CNTN5: variants seen among roughly 807,000 people sequenced by gnomAD.
CNTN5 encodes contactin-5.
A neutral mutation model predicts 129.1 loss-of-function variants in CNTN5; 77 were observed. The observed-to-expected ratio is 0.60, with a 90% confidence interval of 0.50 to 0.72. CNTN5 has a LOEUF of 0.72. Ranked by LOEUF, CNTN5 falls within the 30% of genes least tolerant of loss-of-function variation. The pLI, the probability that CNTN5 is intolerant of heterozygous loss-of-function variation, is 0.00. For synonymous variants in CNTN5, 509 were observed against 465.6 expected, an observed-to-expected ratio of 1.09 and a Z score of -1.20; for missense variants, 1,478 against 1,328.8, an observed-to-expected ratio of 1.11 and a Z score of -1.75.
In CNTN5 at chr11:99,653,912, G is replaced by T. The variant is rs555943439; in HGVS notation, c.55+97643G>T. On this transcript the variant is annotated intron_variant, in intron 3 of 24. Coordinates refer to ENST00000524871, the MANE Select transcript of CNTN5 (RefSeq NM_014361.4). ...CAGCTTCTAAACTGTAAGTTAAAATGATATATCCCTCTTTGTCTAAATACT... is the reference window on the plus strand; with the variant it reads ...CAGCTTCTAAACTGTAAGTTAAAATTATATATCCCTCTTTGTCTAAATACT... Among the ~76,000 whole-genome samples, 18 of 151,854 alleles carry T rather than the reference G, an allele frequency of 1.2e-4. No homozygotes were observed. In the South Asian group the frequency reaches 3.7e-3, roughly 32 times the overall value.
chr11:99,542,343 TG>T (rs1948146746), intron 2 of CNTN5, among the ~76,000 whole-genome samples: 1 of 152,198 alleles, frequency 6.6e-6, no homozygotes, highest in South Asian at 2.1e-4. Context: ...CCCAAGTCTC[TG>T]GTAACCACTG....
chr11:99,696,129 G>A (rs553788011), intron 3 of CNTN5, among the ~76,000 whole-genome samples: 86 of 152,170 alleles, frequency 5.7e-4, no homozygotes, highest in Non-Finnish European at 9.9e-4. Context: ...AAAGAGGGCT[G>A]ACCTGAATCC....
At chr11:99,981,417 T>C (rs148752592) in intron 8 of CNTN5, among the ~76,000 whole-genome samples, 4 of 152,174 alleles carry the variant, frequency 2.6e-5, no homozygotes, top group African/African-American at 9.6e-5. Flanking sequence ...AATAGACACA[T>C]GCCTTTCCTC....
intron 3 of CNTN5, among the ~76,000 whole-genome samples, chr11:99,718,526 C>G (rs1943060347): frequency 6.6e-6 from 1 of 152,054 alleles, no homozygotes; most frequent in Non-Finnish European, 1.5e-5. Context: ...ACTTGGGAAA[C>G]ATCAGCTTGG....
intron 9 of CNTN5, among the ~76,000 whole-genome samples, chr11:100,042,443 A>AT (rs890070549): frequency 2.6e-5 from 4 of 152,306 alleles, no homozygotes; most frequent in Admixed American, 2.6e-4. Flanking sequence ...TAAAATTCAT[A>AT]TCTCACTTGT....
chr11:99,273,708 C>T (rs1269386913), intron 1 of CNTN5, among the ~76,000 whole-genome samples: 2 of 151,120 alleles, frequency 1.3e-5, no homozygotes, highest in Non-Finnish European at 3.0e-5. Context: ...TTATGTCATT[C>T]GTTGTAATTT....
intron 1 of CNTN5, among the ~76,000 whole-genome samples, chr11:99,201,743 ACT>A (rs1565399140): frequency 1.3e-5 from 2 of 152,250 alleles, no homozygotes; most frequent in East Asian, 3.9e-4. Context: ...AACACTGCTG[ACT>A]CTGAAGATGG....
chr11:100,260,485 A>C (rs1950172393), intron 17 of CNTN5, among the ~76,000 whole-genome samples: 1 of 152,206 alleles, frequency 6.6e-6, no homozygotes, highest in Non-Finnish European at 1.5e-5. Flanking sequence ...TGACAGAGGC[A>C]CAACAAAAAA....
At chr11:99,374,336 A>C (rs1324508075) in intron 2 of CNTN5, among the ~76,000 whole-genome samples, 1 of 152,212 alleles carries the variant, frequency 6.6e-6, no homozygotes, top group African/African-American at 2.4e-5. Flanking sequence ...TTGGCATCAG[A>C]TACATCGGAA....
chr11:99,439,299 T>C (rs1274213974), intron 2 of CNTN5, among the ~76,000 whole-genome samples: 1 of 91,334 alleles, frequency 1.1e-5, no homozygotes, highest in Non-Finnish European at 2.4e-5. Context: ...TCTGTGTGTG[T>C]GTGTGCGTGT....
chr11:99,607,748 A>C lies in CNTN5; in HGVS notation c.55+51479A>C, dbSNP rs938913782. ...GATTAAGAAAATGTGGCACATATACACCATGGAATACTATGCAGCCATAAA... is the reference window on the plus strand; with the variant it reads ...GATTAAGAAAATGTGGCACATATACCCCATGGAATACTATGCAGCCATAAA... On this transcript the variant is annotated intron_variant, in intron 3 of 24. Transcript: ENST00000524871. Among the ~76,000 whole-genome samples the C allele has an allele frequency of 3.2e-5, 4 of 124,234 alleles. 1 individual carries two copies. Among genetic ancestry groups the C allele is most frequent in the African/African-American group, 1.1e-4 (4 of 35,946 alleles). The allele number at this position is 124,234 out of a possible 152,430, so 81.5% of individuals were successfully genotyped here.
intron 1 of CNTN5, among the ~76,000 whole-genome samples, chr11:99,059,386 T>C (rs1012588938): frequency 3.3e-5 from 5 of 152,152 alleles, no homozygotes; most frequent in African/African-American, 1.2e-4. Context: ...CTGTGCTCTA[T>C]GACCCTCCTA....
rs553317057 is a variant in CNTN5, at chr11:99,227,333, C to T, written c.-209-98013C>T. Reference sequence around the variant, plus strand: ...TGAGATGGCACCACTGCACTCCAGCCTGGGGGACAGAGCGAGAATCTGTCT... The same window carrying T: ...TGAGATGGCACCACTGCACTCCAGCTTGGGGGACAGAGCGAGAATCTGTCT... On this transcript the variant is annotated intron_variant, in intron 1 of 24. Transcript: ENST00000524871. Among the ~76,000 whole-genome samples the T allele has an allele frequency of 1.5e-4, 23 of 151,120 alleles. 1 individual carries two copies. In the South Asian group the frequency reaches 4.8e-3, roughly 32 times the overall value.
At chr11:100,285,158 T>A (rs1379293199) in intron 18 of CNTN5, among the ~76,000 whole-genome samples, 2 of 152,262 alleles carry the variant, frequency 1.3e-5, no homozygotes, top group African/African-American at 4.8e-5. Context: ...TTAATTTAAA[T>A]GAGTTATTAC....
rs566413287 is a variant in CNTN5 at position 99,219,900 on chromosome 11, A to C, written c.-209-105446A>C. On this transcript the variant is annotated intron_variant, in intron 1 of 24. Transcript: ENST00000524871. Reference sequence around the variant, plus strand: ...TAATTTCTCATCTCTGCCTTATTGAAATAGCTTCTTCTGCAGGCTTCTGTA... The same window carrying C: ...TAATTTCTCATCTCTGCCTTATTGACATAGCTTCTTCTGCAGGCTTCTGTA... Among the ~76,000 whole-genome samples the C allele has an allele frequency of 3.3e-5, 5 of 152,042 alleles. No individual in the cohort carries two copies. The East Asian group carries it at 9.7e-4, about 29-fold the overall frequency.
intron 3 of CNTN5, among the ~76,000 whole-genome samples, chr11:99,738,059 G>T (rs1943767972): frequency 6.6e-6 from 1 of 152,142 alleles, no homozygotes; most frequent in South Asian, 2.1e-4. Flanking sequence ...AATACTATGA[G>T]ATCACAGAAA....
intron 2 of CNTN5, among the ~76,000 whole-genome samples, chr11:99,481,933 G>T (rs535293444): frequency 1.5e-4 from 23 of 152,214 alleles, no homozygotes; most frequent in African/African-American, 5.1e-4. Flanking sequence ...TAAATTTTGT[G>T]TAATAAGAAC....
At chr11:99,492,810 C>A (rs1747190195) in intron 2 of CNTN5, among the ~76,000 whole-genome samples, 1 of 152,088 alleles carries the variant, frequency 6.6e-6, no homozygotes, top group Non-Finnish European at 1.5e-5. Flanking sequence ...GCCAGGCATG[C>A]AGAACTGTGA....
chr11:99,465,874 C>CTTTTT lies in CNTN5; in HGVS notation c.-70-90255_-70-90251dup, dbSNP rs35950728. Among the ~76,000 whole-genome samples, 9 of 106,404 alleles carry CTTTTT rather than the reference C, an allele frequency of 8.5e-5. No individual in the cohort carries two copies. The South Asian group carries it at 2.4e-3, about 29-fold the overall frequency. The allele number at this position is 106,404 out of a possible 152,430, so 69.8% of individuals were successfully genotyped here. On this transcript the variant is annotated intron_variant, in intron 2 of 24. Coordinates refer to ENST00000524871, the MANE Select transcript of CNTN5 (RefSeq NM_014361.4). ...GAGAGAAGGGGAAGGTGCCACACAC[C>CTTTTT]TTTTTTTTTTTTTTTTTTTTCCTTT...
Sources: allele counts gnomAD v4.1 joint callset (sites outside exome capture counted in the v4.1 genomes callset), GRCh38; gene constraint gnomAD v4.1.1; transcripts MANE v1.5; gene names NCBI Gene and HGNC (gene_info 2026-07-23, HGNC 2026-07-21).